The following CHST4 variants were observed in gnomAD, a reference collection of about 807,000 sequenced individuals.
CHST4 encodes the protein GST-3.
For missense variants in CHST4, 466 were observed against 506.0 expected (o/e 0.92, Z 0.76); for synonymous variants, 171 against 195.5 (o/e 0.87, Z 1.05).
At chr16:71,533,006 C>T (rs1341419425) in intron 1 of CHST4, among the ~76,000 whole-genome samples, 1 of 152,024 alleles carries the variant, frequency 6.6e-6, no homozygotes, top group Non-Finnish European at 1.5e-5. Context: ...AAGGGCAGCA[C>T]AGAACAGATA....
intron 1 of CHST4, among the ~76,000 whole-genome samples, chr16:71,533,669 C>T (rs1364380074): frequency 6.6e-6 from 1 of 152,110 alleles, no homozygotes; most frequent in Non-Finnish European, 1.5e-5. Flanking sequence ...TATGTCATTA[C>T]CCATGTTTAC....
In CHST4 at chr16:71,537,684, G is replaced by T; in HGVS notation, c.1007G>T (p.Trp336Leu). The change falls in exon 2 of 2, where the codon TGG becomes TTG. Residue 336 changes from tryptophan to leucine, a missense_variant. Coordinates refer to ENST00000539698, the MANE Select transcript of CHST4 (RefSeq NM_001166395.2). This position sits in a 1 kb window ranked among gnomAD's most constrained non-coding sequence, Gnocchi z 4.2. ...DALNVSQAWR[W>L]SLPYEKVSRL... ...CTTAATGTCTCCCAGGCTTGGCGCT[G>T]GTCTTTGCCCTATGAAAAGGTTTCT... The T allele has an allele frequency of 1.2e-6, 2 of 1,614,206 alleles. No individual in the cohort carries two copies. The highest frequency in any genetic ancestry group is 1.7e-6 in the Non-Finnish European group (2 of 1,180,030).
chr16:71,537,492 T>C lies in CHST4; in HGVS notation c.815T>C (p.Leu272Pro). ...CCCAAGGCCCTGCAGGAACGCTACC[T>C]GCTTGTGCGCTATGAGGACCTGGCT... ...SLPKALQERYLLVRYEDLARA... is the reference protein window; with the variant it reads ...SLPKALQERYPLVRYEDLARA... Residue 272 changes from leucine to proline, a missense_variant, in exon 2 of 2, where the codon CTG becomes CCG. Coordinates refer to ENST00000539698, the MANE Select transcript of CHST4 (RefSeq NM_001166395.2). The surrounding 1 kb of genome is among the most constrained non-coding windows in gnomAD (Gnocchi z 4.2). The C allele has an allele frequency of 6.2e-7, 1 of 1,614,206 alleles. No individual in the cohort carries two copies. Among genetic ancestry groups the C allele is most frequent in the Non-Finnish European group, 8.5e-7 (1 of 1,180,026 alleles).
chr16:71,529,082 GT>G (rs1399490498), intron 1 of CHST4, among the ~76,000 whole-genome samples: 1 of 148,944 alleles, frequency 6.7e-6, no homozygotes, highest in Admixed American at 6.7e-5. Context: ...CTGAGTTTGG[GT>G]TTTTTGTTTT....
Position 71,530,149 on chromosome 16 carries a change from T to TA in CHST4, c.-19+3665dup, listed in dbSNP as rs748094582. 6.6e-3 allele frequency among the ~76,000 whole-genome samples: 942 copies of TA among 142,254 alleles called. 5 individuals carry two copies. The highest frequency in any genetic ancestry group is 0.015 in the East Asian group (70 of 4,806). 93.3% of individuals were successfully genotyped at this position (142,254 alleles called of 152,430 possible). On this transcript the variant is annotated intron_variant, in intron 1 of 1. Coordinates refer to ENST00000539698, the MANE Select transcript of CHST4 (RefSeq NM_001166395.2). ...CAAGACTCTGTCTAAAAAATAAAATTAAAAAAAAAAAGTCTCAGGAGAAAG... is the reference window on the plus strand; with the variant it reads ...CAAGACTCTGTCTAAAAAATAAAATTAAAAAAAAAAAAGTCTCAGGAGAAAG...
chr16:71,531,664 G>A (rs913563305), intron 1 of CHST4, among the ~76,000 whole-genome samples: 1 of 152,184 alleles, frequency 6.6e-6, no homozygotes, highest in African/African-American at 2.4e-5. Flanking sequence ...ACAGGACACA[G>A]AACTGGCCCC....
In CHST4 at chr16:71,537,300, G is replaced by A. The variant is rs748043139; in HGVS notation, c.623G>A (p.Arg208Gln). ...ATCGTGCACCTGGTCCGGGACCCCC[G>A]GGCCGTGTTCCGTTCCCGAGAACGC... ...LHIVHLVRDP[R>Q]AVFRSRERTK... Residue 208 changes from arginine (R) to glutamine (Q), a missense_variant, in exon 2 of 2, where the codon CGG (arginine) becomes CAG (glutamine). Transcript: ENST00000539698. This position sits in a 1 kb window ranked among gnomAD's most constrained non-coding sequence, Gnocchi z 4.2. 85 of 1,614,032 alleles carry A rather than the reference G, an allele frequency of 5.3e-5. No individual in the cohort carries two copies. Among genetic ancestry groups the A allele is most frequent in the Admixed American group, 1.0e-4 (6 of 59,990 alleles).
intron 1 of CHST4, among the ~76,000 whole-genome samples, chr16:71,528,498 G>T (rs1011851356): frequency 6.6e-6 from 1 of 152,178 alleles, no homozygotes; most frequent in Non-Finnish European, 1.5e-5. Context: ...CGGGACCCAG[G>T]TCCAATCCTC....
rs1476733343 is a variant in CHST4 at position 71,538,147 on chromosome 16, C to T, written c.*309C>T. Reference sequence around the variant, plus strand: ...TTGTGGCCTGGAGGCCTATTAAGCACGACACAGTATCAGTGGAATTGATCC... The same window carrying T: ...TTGTGGCCTGGAGGCCTATTAAGCATGACACAGTATCAGTGGAATTGATCC... On this transcript the variant is annotated 3_prime_UTR_variant, in exon 2 of 2. Coordinates refer to ENST00000539698, the MANE Select transcript of CHST4 (RefSeq NM_001166395.2). 1.6e-5 allele frequency: 6 copies of T among 379,212 alleles called. No homozygotes were observed. The highest frequency in any genetic ancestry group is 4.7e-5 in the South Asian group (1 of 21,352). 23.5% of individuals were successfully genotyped at this position (379,212 alleles called of 1,614,324 possible).
At position 71,529,543 on chromosome 16, in the gene CHST4, A is replaced by ATTTTTTTT. The variant is rs1157747412; in HGVS notation, c.-19+3072_-19+3079dup. On this transcript the variant is annotated intron_variant, in intron 1 of 1. Transcript: ENST00000539698. ...ACTGTGCCTCTTCCCATGCTCATCTATTTTTTTTTTTTTTTTTTTTTTTTT... is the reference window on the plus strand; with the variant it reads ...ACTGTGCCTCTTCCCATGCTCATCTATTTTTTTTTTTTTTTTTTTTTTTTTTTTTTTTT... Among the ~76,000 whole-genome samples, 58 of 41,362 alleles carry ATTTTTTTT rather than the reference A, an allele frequency of 1.4e-3. 13 individuals carry two copies. The highest frequency in any genetic ancestry group is 3.9e-3 in the African/African-American group (40 of 10,366). The allele number at this position is 41,362 out of a possible 152,430, so 27.1% of individuals were successfully genotyped here. A position where few individuals can be genotyped will look rare whatever the true frequency, so the allele number is the denominator to read the frequency against.
rs139260372 is a variant in CHST4, at chr16:71,536,977, C to T, written c.300C>T (p.Ala100=). 34 of 1,613,842 alleles carry T rather than the reference C, an allele frequency of 2.1e-5. No individual in the cohort carries two copies. The highest frequency in any genetic ancestry group is 1.5e-4 in the South Asian group (14 of 91,044). The change falls in exon 2 of 2, where the codon GCC becomes GCT. Residue 100 remains alanine, a synonymous_variant. Transcript: ENST00000539698. ...TGGCTGTGCGGGATCTGATACGGGC[C>T]GTCTTCTTGTGCGACATGAGCGTCT... ...LHMAVRDLIR[A]VFLCDMSVFD... is the part of the protein sequence containing the mutation.
Position 71,527,919 on chromosome 16 carries a change from G to A in CHST4, c.-19+1424G>A, listed in dbSNP as rs1285750625. On this transcript the variant is annotated intron_variant, in intron 1 of 1. Coordinates refer to ENST00000539698, the MANE Select transcript of CHST4 (RefSeq NM_001166395.2). ...GGTCTGTGTTGGTGTTAATGCTGGA[G>A]AGGTATGATGAGGCATGTTAGATCC... Among the ~76,000 whole-genome samples, 11 of 152,064 alleles carry A rather than the reference G, an allele frequency of 7.2e-5. No homozygotes were observed. In the East Asian group the frequency reaches 1.4e-3, roughly 19 times the overall value.
In CHST4 at chr16:71,537,070, C is replaced by T. The variant is rs756727637; in HGVS notation, c.393C>T (p.Ala131=). 1 of 1,614,032 alleles carries T rather than the reference C, an allele frequency of 6.2e-7. No individual in the cohort carries two copies. Among genetic ancestry groups the T allele is most frequent in the African/African-American group, 1.3e-5 (1 of 74,914 alleles). The change falls in exon 2 of 2, where the codon GCC becomes GCT. Residue 131 remains alanine, a synonymous_variant. Coordinates refer to ENST00000539698, the MANE Select transcript of CHST4 (RefSeq NM_001166395.2). The surrounding 1 kb of genome is among the most constrained non-coding windows in gnomAD (Gnocchi z 4.2). ...SSLFQWENSR[A]LCSAPACDII... The stretch of plus-strand genomic sequence containing the variant: ...TCTTTCAGTGGGAGAACAGCCGGGC[C>T]CTGTGTTCTGCACCTGCCTGTGACA...
intron 1 of CHST4, among the ~76,000 whole-genome samples, chr16:71,530,576 G>A (rs1456701657): frequency 6.6e-6 from 1 of 151,650 alleles, no homozygotes; most frequent in Non-Finnish European, 1.5e-5. Context: ...CACCAGCCTG[G>A]GCAATATAGT....
chr16:71,528,763 G>GT (rs59958064), intron 1 of CHST4, among the ~76,000 whole-genome samples: 1 of 152,042 alleles, frequency 6.6e-6, no homozygotes, highest in South Asian at 2.1e-4. Flanking sequence ...TATCTATCTG[G>GT]TTTTTTTCCC....
intron 1 of CHST4, among the ~76,000 whole-genome samples, chr16:71,535,949 G>A (rs145294089): frequency 5.3e-5 from 8 of 152,276 alleles, no homozygotes; most frequent in African/African-American, 1.2e-4. Context: ...GGTGCTAGAC[G>A]TAGACTTTTC....
intron 1 of CHST4, among the ~76,000 whole-genome samples, chr16:71,529,107 G>GTTTTTTTT (rs397717246): frequency 7.3e-6 from 1 of 136,110 alleles, no homozygotes; most frequent in African/African-American, 2.7e-5. Flanking sequence ...TTTGTTTTTT[G>GTTTTTTTT]TTTTTTTTTT....
At chr16:71,527,078 G>A (rs983182557) in intron 1 of CHST4, among the ~76,000 whole-genome samples, 9 of 152,132 alleles carry the variant, frequency 5.9e-5, no homozygotes, top group African/African-American at 2.2e-4. Flanking sequence ...ATATCTAACC[G>A]ATCAGTATCA....
chr16:71,527,657 G>A (rs1208504975), intron 1 of CHST4, among the ~76,000 whole-genome samples: 2 of 152,148 alleles, frequency 1.3e-5, no homozygotes, highest in African/African-American at 4.8e-5. Flanking sequence ...GGCTGAGGCA[G>A]GAGAATCGCT....
Sources: gnomAD v4.1 joint callset for allele counts (sites outside exome capture counted in the v4.1 genomes callset) on GRCh38, gnomAD v4.1.1 for gene constraint, Gnocchi (gnomAD v3.1) non-coding constraint, MANE v1.5 for transcripts, NCBI Gene and HGNC (gene_info 2026-07-23, HGNC 2026-07-21) for gene names.